The following ZC3H12B variants were observed in gnomAD, a reference collection of about 807,000 sequenced individuals.
ZC3H12B encodes probable ribonuclease ZC3H12B.
Under a neutral mutation model 43.9 loss-of-function variants are expected in ZC3H12B, and 7 were observed. The observed-to-expected ratio is 0.16, with a 90% CI of 0.09 to 0.30. The LOEUF (loss-of-function observed/expected upper bound fraction) is 0.30, where lower values mean the gene tolerates loss of function less well. Ranked by LOEUF, ZC3H12B falls within the 10% of genes least tolerant of loss-of-function variation. The pLI, the probability that ZC3H12B is intolerant of heterozygous loss-of-function variation, is 1.00. For synonymous variants in ZC3H12B, 222 were observed against 241.7 expected (o/e 0.92, Z 0.76); for missense variants, 475 against 670.2 (o/e 0.71, Z 3.22).
At chrX:65,135,353 GT>G in the ZC3H12B span, among the ~76,000 whole-genome samples, 5 of 104,271 alleles carry the variant, frequency 4.8e-5, no homozygotes, top group East Asian at 3.0e-4. Flanking sequence ...CTAGGTTGTT[GT>G]TTTTTTTTTC....
the ZC3H12B span, among the ~76,000 whole-genome samples, chrX:65,038,016 G>A: frequency 1.4e-4 from 16 of 110,814 alleles, no homozygotes; most frequent in East Asian, 2.5e-3. Flanking sequence ...ACAACCTTCC[G>A]CTATATTGAA....
At chrX:65,491,606 C>T (rs2068203655) in intron 1 of ZC3H12B, among the ~76,000 whole-genome samples, 1 of 108,094 alleles carries the variant, frequency 9.3e-6, no homozygotes. Flanking sequence ...ACTCAGGAGG[C>T]TGAGGTGGGA....
chrX:65,406,173 G>A (rs780421118), intron 3 of ZC3H12B, among the ~76,000 whole-genome samples: 17 of 109,533 alleles, frequency 1.6e-4, no homozygotes, highest in Non-Finnish European at 1.9e-4. Context: ...ACCAAAACCA[G>A]ACAAAGACAC....
the ZC3H12B span, among the ~76,000 whole-genome samples, chrX:65,094,186 C>T: frequency 9.1e-6 from 1 of 110,079 alleles, no homozygotes; most frequent in Non-Finnish European, 1.9e-5. Flanking sequence ...TTTCCTGAGG[C>T]CTCCCAAGAA....
the ZC3H12B span, among the ~76,000 whole-genome samples, chrX:65,146,605 G>A: frequency 9.0e-6 from 1 of 111,655 alleles, no homozygotes; most frequent in Admixed American, 9.5e-5. Context: ...CAGAGGGAAG[G>A]TCTAGGGCCG....
chrX:65,102,570 C>A, the ZC3H12B span, among the ~76,000 whole-genome samples: 4 of 111,926 alleles, frequency 3.6e-5, no homozygotes, highest in Middle Eastern at 0.018. Flanking sequence ...GCAAAAATTA[C>A]AAGCATTTCT....
chrX:65,192,042 C>T, the ZC3H12B span, among the ~76,000 whole-genome samples: 4 of 109,835 alleles, frequency 3.6e-5, no homozygotes, highest in African/African-American at 1.3e-4. Context: ...TTATTTCTGC[C>T]TTCATTTCAT....
chrX:65,105,261 G>T, the ZC3H12B span, among the ~76,000 whole-genome samples: 1 of 109,950 alleles, frequency 9.1e-6, no homozygotes, highest in Admixed American at 9.8e-5. Flanking sequence ...CGGGGGGTGG[G>T]GGACAAGAAG....
the ZC3H12B span, among the ~76,000 whole-genome samples, chrX:65,307,921 A>C: frequency 8.9e-6 from 1 of 112,082 alleles, no homozygotes; most frequent in Non-Finnish European, 1.9e-5. Context: ...AAGACAATAG[A>C]ATGCAACCTT....
At chrX:65,120,005 T>C in the ZC3H12B span, among the ~76,000 whole-genome samples, 6 of 111,894 alleles carry the variant, frequency 5.4e-5, no homozygotes, top group Non-Finnish European at 1.1e-4. Flanking sequence ...CATTGGTCTA[T>C]ATGTCTGTTT....
At chrX:65,187,198 C>A in the ZC3H12B span, 2 of 111,814 alleles carry the variant, frequency 1.8e-5, no homozygotes, top group Non-Finnish European at 3.8e-5. Context: ...CATTTCTCTT[C>A]TTTCTCTTTG....
At chrX:65,044,914 G>T in the ZC3H12B span, among the ~76,000 whole-genome samples, 11 of 108,385 alleles carry the variant, frequency 1.0e-4, no homozygotes, top group African/African-American at 3.7e-4. Context: ...AGGATTGCTT[G>T]AGCTCAGGAG....
chrX:65,493,369 T>A (rs781181308), intron 1 of ZC3H12B, among the ~76,000 whole-genome samples: 38 of 110,053 alleles, frequency 3.5e-4, no homozygotes, highest in Non-Finnish European at 6.8e-4. Flanking sequence ...GGTGACAGAG[T>A]GAGACTCAGT....
At chrX:65,448,961 A>AAGAAAGAAAGAAAGAAAAAGAAAGAAAG (rs1556209303) in intron 3 of ZC3H12B, among the ~76,000 whole-genome samples, 20 of 91,276 alleles carry the variant, frequency 2.2e-4, no homozygotes, top group Non-Finnish European at 4.0e-4. Flanking sequence ...AAGAAAAAGA[A>AAGAAAGAAAGAAAGAAAAAGAAAGAAAG]AGAAAGAAAG....
At chrX:65,107,688 C>G in the ZC3H12B span, among the ~76,000 whole-genome samples, 3 of 110,864 alleles carry the variant, frequency 2.7e-5, no homozygotes, top group Admixed American at 9.6e-5. Flanking sequence ...TGAGTTCTCA[C>G]GAGATCTGAT....
At chrX:65,469,321 T>C (rs2067873562) in intron 3 of ZC3H12B, 5 of 338,882 alleles carry the variant, frequency 1.5e-5, no homozygotes, top group Admixed American at 8.8e-5. Flanking sequence ...GAGGTCTTCA[T>C]TGATGTTATA....
the ZC3H12B span, among the ~76,000 whole-genome samples, chrX:65,043,391 T>C: frequency 9.0e-6 from 1 of 111,002 alleles, no homozygotes; most frequent in Non-Finnish European, 1.9e-5. Flanking sequence ...ACCCTCCTCA[T>C]TTTAAGGAGA....
At chrX:65,160,428 A>C in the ZC3H12B span, among the ~76,000 whole-genome samples, 1 of 111,848 alleles carries the variant, frequency 8.9e-6, no homozygotes, top group Non-Finnish European at 1.9e-5. Context: ...GATTATTGCC[A>C]CAGCTTCAGA....
the ZC3H12B span, among the ~76,000 whole-genome samples, chrX:65,349,785 C>T: frequency 8.9e-6 from 1 of 111,769 alleles, no homozygotes; most frequent in Non-Finnish European, 1.9e-5. Flanking sequence ...GACACACACC[C>T]TCCCAAGTCT....
Sources: allele counts gnomAD v4.1 joint callset (sites outside exome capture counted in the v4.1 genomes callset), GRCh38; gene constraint gnomAD v4.1.1; transcripts MANE v1.5; gene names NCBI Gene and HGNC (gene_info 2026-07-23, HGNC 2026-07-21).